GOLM1: variants seen among roughly 807,000 people sequenced by gnomAD.
The protein encoded by GOLM1 is golgi membrane protein 1, also known as epididymis luminal protein 46.
A neutral mutation model predicts 50.5 loss-of-function variants in GOLM1; 31 were observed. That is an observed-to-expected ratio of 0.61 (90% CI 0.46 to 0.83). The LOEUF is 0.83. Ranked by LOEUF, GOLM1 falls within the 40% of genes least tolerant of loss-of-function variation. GOLM1 has a pLI of 0.00. For missense variants in GOLM1, 491 were observed against 501.3 expected, an observed-to-expected ratio of 0.98 and a Z score of 0.20; for synonymous variants, 178 against 192.8, an observed-to-expected ratio of 0.92 and a Z score of 0.64.
intron 3 of GOLM1, among the ~76,000 whole-genome samples, chr9:86,071,392 A>G (rs1345115960): frequency 2.6e-5 from 4 of 151,934 alleles, no homozygotes; most frequent in Admixed American, 2.0e-4. Context: ...AAATGCAACA[A>G]TGGTGGTCAG....
intron 1 of GOLM1, among the ~76,000 whole-genome samples, chr9:86,090,197 T>C (rs1412609597): frequency 6.6e-6 from 1 of 151,912 alleles, no homozygotes; most frequent in Admixed American, 6.6e-5. Context: ...TGCTAGGAGG[T>C]GTCTTCCAGT....
chr9:86,046,900 TA>T (rs965190738), intron 4 of GOLM1, among the ~76,000 whole-genome samples: 11 of 149,552 alleles, frequency 7.4e-5, no homozygotes, highest in African/African-American at 2.7e-4. Context: ...GTAGACATCA[TA>T]AGCCCCGAGC....
intron 3 of GOLM1, among the ~76,000 whole-genome samples, chr9:86,074,641 A>G (rs1834557427): frequency 6.6e-6 from 1 of 152,198 alleles, no homozygotes; most frequent in Non-Finnish European, 1.5e-5. Context: ...GACAGCTGCT[A>G]ACTCTCTGAG....
intron 3 of GOLM1, among the ~76,000 whole-genome samples, chr9:86,055,631 C>T (rs1833963180): frequency 6.6e-6 from 1 of 152,192 alleles, no homozygotes; most frequent in African/African-American, 2.4e-5. Context: ...AATACGGACA[C>T]ATACTACAAC....
At chr9:86,099,251 C>G (rs1373527462) in intron 1 of GOLM1, among the ~76,000 whole-genome samples, 160 bp downstream of exon 1, 2 of 151,924 alleles carry the variant, frequency 1.3e-5, no homozygotes, top group African/African-American at 4.8e-5. Context: ...GAGCCAGCCC[C>G]GAGCGCAGCC....
chr9:86,028,907 C>G (rs1267917670), intron 9 of GOLM1, among the ~76,000 whole-genome samples: 1 of 138,564 alleles, frequency 7.2e-6, no homozygotes, highest in African/African-American at 2.7e-5. Flanking sequence ...GGAGTGCAGT[C>G]GTGCGATCTC....
At chr9:86,060,284 G>A (rs765059433) in intron 3 of GOLM1, among the ~76,000 whole-genome samples, 53 of 152,230 alleles carry the variant, frequency 3.5e-4, no homozygotes, top group Non-Finnish European at 2.9e-4. Context: ...GGGCAAAGAG[G>A]GAGACAGAGA....
intron 9 of GOLM1, 53 bp from the exon 10 acceptor site, chr9:86,027,946 C>T (rs1192537093): frequency 1.1e-5 from 12 of 1,060,100 alleles, no homozygotes; most frequent in Non-Finnish European, 1.7e-5. Flanking sequence ...AGATACTAGC[C>T]CTAGGCAGGT....
rs777319790 is a variant in GOLM1, at chr9:86,077,516, C to T, written c.205G>A (p.Glu69Lys). 18 of 1,613,256 alleles carry T rather than the reference C, an allele frequency of 1.1e-5. No homozygotes were observed. Among genetic ancestry groups the T allele is most frequent in the Middle Eastern group, 1.6e-4 (1 of 6,084 alleles). Residue 69 changes from glutamate (E) to lysine (K), a missense_variant, in exon 3 of 10, where the codon GAG becomes AAG. By Grantham distance (56) the Glu-to-Lys change is moderately conservative. Coordinates refer to ENST00000388712, the MANE Select transcript of GOLM1 (RefSeq NM_016548.4). ...TGCTTCTCCAGCTCTCCCTGGAACT[C>T]GTTCTTCTTCAGCTCCACGGCGCCT... ...ERGAVELKKN[E>K]FQGELEKQRE...
chr9:86,056,779 C>G (rs910736691), intron 3 of GOLM1, among the ~76,000 whole-genome samples: 8 of 152,008 alleles, frequency 5.3e-5, no homozygotes, highest in African/African-American at 1.9e-4. Context: ...GCTGGGATTA[C>G]AGGCATGAGG....
chr9:86,034,123 C>T (rs369251198), intron 8 of GOLM1, among the ~76,000 whole-genome samples: 7 of 152,230 alleles, frequency 4.6e-5, no homozygotes, highest in African/African-American at 1.7e-4. Context: ...TGCTGCCATG[C>T]CCAGCTAATT....
intron 5 of GOLM1, 141 bp downstream of exon 5, chr9:86,046,329 C>T: frequency 3.2e-6 from 2 of 625,482 alleles, no homozygotes; most frequent in South Asian, 3.7e-5. Flanking sequence ...GGACATGAAT[C>T]CTAGAGGGGC....
intron 1 of GOLM1, among the ~76,000 whole-genome samples, chr9:86,083,332 C>T (rs1449437681): frequency 6.6e-6 from 1 of 152,158 alleles, no homozygotes; most frequent in Non-Finnish European, 1.5e-5. Flanking sequence ...GAACTAATCA[C>T]AAAAAAGTCT....
At chr9:86,074,106 G>A (rs1834534298) in intron 3 of GOLM1, among the ~76,000 whole-genome samples, 2 of 151,968 alleles carry the variant, frequency 1.3e-5, no homozygotes, top group Non-Finnish European at 2.9e-5. Flanking sequence ...GGTGTCATTT[G>A]CAAACCACCC....
chr9:86,081,667 A>AT (rs1051786405), intron 1 of GOLM1, among the ~76,000 whole-genome samples: 1 of 151,978 alleles, frequency 6.6e-6, no homozygotes, highest in African/African-American at 2.4e-5. Context: ...AGGCAGGTAG[A>AT]TGGCCTGAAG....
At chr9:86,060,895 A>G (rs1834138951) in intron 3 of GOLM1, among the ~76,000 whole-genome samples, 1 of 137,830 alleles carries the variant, frequency 7.3e-6, no homozygotes, top group Non-Finnish European at 1.5e-5. Flanking sequence ...AAAAAAAAAA[A>G]AAAAAAAAAA....
At chr9:86,093,091 G>T (rs144689577) in intron 1 of GOLM1, among the ~76,000 whole-genome samples, 4 of 152,232 alleles carry the variant, frequency 2.6e-5, no homozygotes, top group African/African-American at 9.6e-5. Context: ...AAAATCACTT[G>T]ATAGGCTGGG....
intron 9 of GOLM1, 37 bp from the exon 10 acceptor site, chr9:86,027,930 TAA>T: frequency 7.2e-6 from 9 of 1,256,456 alleles, no homozygotes; most frequent in Non-Finnish European, 1.0e-5. Flanking sequence ...TATAGAGTAT[TAA>T]ATGAGATACT....
chr9:86,041,564 C>T (rs540651854), intron 5 of GOLM1, among the ~76,000 whole-genome samples: 19 of 152,324 alleles, frequency 1.2e-4, no homozygotes, highest in South Asian at 8.3e-4. Flanking sequence ...TGTCTCCCCC[C>T]GGCGCCTGCC....
Sources: allele counts gnomAD v4.1 joint callset (sites outside exome capture counted in the v4.1 genomes callset), GRCh38; gene constraint gnomAD v4.1.1; transcripts MANE v1.5; gene names NCBI Gene and HGNC (gene_info 2026-07-23, HGNC 2026-07-21).